The following PRKN variants were observed in gnomAD, a reference collection of about 807,000 sequenced individuals.
PRKN encodes the protein parkin RBR E3 ubiquitin protein ligase.
In PRKN, 56 loss-of-function variants were observed where a neutral mutation model predicts 59.5. The observed-to-expected ratio is 0.94, with a 90% CI of 0.76 to 1.18. PRKN has a LOEUF of 1.18. PRKN is among the 50% of genes most tolerant of loss of function. The pLI, the probability that PRKN is intolerant of heterozygous loss-of-function variation, is 0.00. For missense variants in PRKN, 657 were observed against 596.4 expected, an observed-to-expected ratio of 1.10 and a Z score of -1.06; for synonymous variants, 250 against 222.1, an observed-to-expected ratio of 1.13 and a Z score of -1.12.
chr6:162,467,233 T>C (rs1328211239), intron 1 of PRKN, among the ~76,000 whole-genome samples: 2 of 152,184 alleles, frequency 1.3e-5, no homozygotes, highest in Non-Finnish European at 2.9e-5. Flanking sequence ...CAATTCATCA[T>C]GAAAATCAAG....
rs1038445282 is a variant in PRKN at position 161,497,153 on chromosome 6, C to T, written c.1083+51701G>A. On this transcript the variant is annotated intron_variant, in intron 9 of 11. Transcript: ENST00000366898. The surrounding 1 kb of genome is among the most constrained non-coding windows in gnomAD (Gnocchi z 4.6). ...CACAGGCCAGGGCCAGGCGGCATTG[C>T]TGGCTAGTGGCCTGCAGGAGGGGCA... is the stretch of plus-strand genomic sequence containing the variant. Among the ~76,000 whole-genome samples the T allele has an allele frequency of 1.3e-5, 2 of 152,214 alleles. No individual in the cohort carries two copies. Among genetic ancestry groups the T allele is most frequent in the Admixed American group, 6.5e-5 (1 of 15,292 alleles).
intron 1 of PRKN, among the ~76,000 whole-genome samples, chr6:162,530,262 A>G (rs9347659): frequency 0.2 from 30,125 of 152,018 alleles, 3,918 homozygotes; most frequent in East Asian, 0.49. Flanking sequence ...AATTATCTTC[A>G]TTTGTATCAC....
chr6:162,121,389 G>A (rs980301110), intron 4 of PRKN, among the ~76,000 whole-genome samples: 2 of 152,156 alleles, frequency 1.3e-5, no homozygotes, highest in African/African-American at 4.8e-5. Context: ...AAGTTAAAAG[G>A]TGAGTTTCTG....
intron 1 of PRKN, among the ~76,000 whole-genome samples, chr6:162,474,537 G>C (rs896225934): frequency 2.6e-5 from 4 of 152,006 alleles, no homozygotes; most frequent in African/African-American, 9.6e-5. Flanking sequence ...TGTTGTAAAA[G>C]GTATTAAAAT....
intron 7 of PRKN, among the ~76,000 whole-genome samples, chr6:161,598,501 A>G (rs910104847): frequency 1.3e-5 from 2 of 152,210 alleles, no homozygotes; most frequent in African/African-American, 4.8e-5. Flanking sequence ...AGCATTCTGA[A>G]TCTTAAGAAT....
At chr6:162,453,204 G>C (rs1442351071) in intron 1 of PRKN, among the ~76,000 whole-genome samples, 1 of 152,130 alleles carries the variant, frequency 6.6e-6, no homozygotes, top group Admixed American at 6.6e-5. Flanking sequence ...CCTCCTCAGG[G>C]AGTAAGAGAC....
intron 1 of PRKN, among the ~76,000 whole-genome samples, chr6:162,686,023 C>T (rs1419436327): frequency 6.6e-6 from 1 of 152,114 alleles, no homozygotes; most frequent in Non-Finnish European, 1.5e-5. Context: ...AATTATTAAA[C>T]AGATAGGACT....
At chr6:161,819,833 ATATT>A (rs1791945409) in intron 6 of PRKN, among the ~76,000 whole-genome samples, 2 of 152,188 alleles carry the variant, frequency 1.3e-5, no homozygotes, top group African/African-American at 4.8e-5. Flanking sequence ...ATAGCAGCAG[ATATT>A]TAACATGTGC....
intron 9 of PRKN, among the ~76,000 whole-genome samples, chr6:161,490,709 T>C (rs973980225): frequency 2.0e-5 from 3 of 152,030 alleles, no homozygotes; most frequent in Non-Finnish European, 2.9e-5. Context: ...CTACTTTTCA[T>C]AGATACAGAG....
At chr6:161,482,697 C>A (rs919748759) in intron 9 of PRKN, among the ~76,000 whole-genome samples, 1 of 152,208 alleles carries the variant, frequency 6.6e-6, no homozygotes, top group African/African-American at 2.4e-5. Flanking sequence ...CAACTGAGTA[C>A]GTGGCTGTTC....
intron 7 of PRKN, among the ~76,000 whole-genome samples, chr6:161,718,740 T>G (rs962582830): frequency 6.6e-6 from 1 of 152,164 alleles, no homozygotes; most frequent in Non-Finnish European, 1.5e-5. Context: ...ATTGTAAATA[T>G]CACTCTTTCT....
At chr6:162,336,155 G>A (rs918016552) in intron 2 of PRKN, among the ~76,000 whole-genome samples, 15 of 152,166 alleles carry the variant, frequency 9.9e-5, no homozygotes, top group African/African-American at 3.6e-4. Context: ...TCTGAAGACT[G>A]TTTGTCATTT....
chr6:161,572,701 A>G (rs1328689920), intron 7 of PRKN, among the ~76,000 whole-genome samples: 3 of 152,078 alleles, frequency 2.0e-5, no homozygotes, highest in African/African-American at 7.2e-5. Flanking sequence ...CCAAGTGAAT[A>G]TTTTACTGGA....
At chr6:161,849,954 G>C (rs774463995) in intron 6 of PRKN, among the ~76,000 whole-genome samples, 15 of 152,014 alleles carry the variant, frequency 9.9e-5, no homozygotes, top group Non-Finnish European at 1.9e-4. Flanking sequence ...AGCTATTTTC[G>C]CTACCGTAAA....
chr6:161,786,803 A>G (rs1790438145), intron 6 of PRKN, among the ~76,000 whole-genome samples: 1 of 152,176 alleles, frequency 6.6e-6, no homozygotes, highest in Non-Finnish European at 1.5e-5. Context: ...CTATTGTGCC[A>G]TCTCGAAACC....
intron 4 of PRKN, among the ~76,000 whole-genome samples, chr6:162,171,806 T>G (rs1783292629): frequency 6.6e-6 from 1 of 152,290 alleles, no homozygotes; most frequent in Admixed American, 6.5e-5. Context: ...TGTGTATACT[T>G]GCTTATTTTG....
chr6:162,380,516 T>TAC (rs1158848047), intron 2 of PRKN, among the ~76,000 whole-genome samples: 1 of 121,846 alleles, frequency 8.2e-6, no homozygotes, highest in East Asian at 2.2e-4. Flanking sequence ...TGTGTATATA[T>TAC]ATATATATGT....
At chr6:162,396,759 C>G (rs1000022038) in intron 2 of PRKN, among the ~76,000 whole-genome samples, 1 of 152,148 alleles carries the variant, frequency 6.6e-6, no homozygotes, top group Non-Finnish European at 1.5e-5. Flanking sequence ...CACATGCACA[C>G]ACACACACAT....
chr6:162,314,947 C>T (rs1004951820), intron 2 of PRKN, among the ~76,000 whole-genome samples: 2 of 152,164 alleles, frequency 1.3e-5, no homozygotes, highest in Non-Finnish European at 2.9e-5. Context: ...ATTGGTTTTT[C>T]GAAATGATCT....
Sources: allele counts gnomAD v4.1 joint callset (sites outside exome capture counted in the v4.1 genomes callset), GRCh38; gene constraint gnomAD v4.1.1; non-coding constraint Gnocchi (gnomAD v3.1); transcripts MANE v1.5; gene names NCBI Gene and HGNC (gene_info 2026-07-23, HGNC 2026-07-21).